Variants in PTPRN2 observed in about 807,000 individuals in gnomAD.
PTPRN2 encodes receptor-type tyrosine-protein phosphatase N2.
A neutral mutation model predicts 118.8 loss-of-function variants in PTPRN2; 74 were observed. The observed-to-expected ratio is 0.62, with a 90% CI of 0.52 to 0.76. The LOEUF (loss-of-function observed/expected upper bound fraction) is 0.76, where lower values mean the gene tolerates loss of function less well. PTPRN2 is among the 30% of genes least tolerant of loss of function. The probability of loss-of-function intolerance (pLI) is 0.00; values close to 1 mark genes in which losing one functional copy is unlikely to be tolerated. For synonymous variants in PTPRN2, 641 were observed against 608.0 expected (o/e 1.05, Z -0.80); for missense variants, 1,481 against 1,394.4 (o/e 1.06, Z -0.99).
At chr7:157,828,018 C>T (rs759637643) in intron 12 of PTPRN2, among the ~76,000 whole-genome samples, 1 of 152,194 alleles carries the variant, frequency 6.6e-6, no homozygotes, top group Non-Finnish European at 1.5e-5. Flanking sequence ...CAGCTCTGGG[C>T]GTCCCCACCG....
intron 17 of PTPRN2, among the ~76,000 whole-genome samples, chr7:157,594,967 C>T (rs1254802209): frequency 2.0e-5 from 3 of 152,162 alleles, no homozygotes; most frequent in South Asian, 4.1e-4. Flanking sequence ...ACTTTATCCT[C>T]GCTGTTTTAT....
intron 11 of PTPRN2, among the ~76,000 whole-genome samples, chr7:158,053,625 A>G (rs900885449): frequency 6.6e-6 from 1 of 152,238 alleles, no homozygotes; most frequent in African/African-American, 2.4e-5. Flanking sequence ...AAGGAGATGT[A>G]TTTAAACATG....
intron 4 of PTPRN2, among the ~76,000 whole-genome samples, chr7:158,197,130 C>T (rs2150722266): frequency 6.6e-6 from 1 of 152,330 alleles, no homozygotes; most frequent in Non-Finnish European, 1.5e-5. Context: ...TGTCTCCAAA[C>T]ACAGCACTGT....
At chr7:157,886,559 G>A (rs1796456000) in intron 12 of PTPRN2, among the ~76,000 whole-genome samples, 1 of 152,256 alleles carries the variant, frequency 6.6e-6, no homozygotes, top group South Asian at 2.1e-4. Flanking sequence ...CCGTGAGCCA[G>A]CGCAACGTGG....
chr7:158,212,815 G>A (rs536284233), intron 3 of PTPRN2, among the ~76,000 whole-genome samples: 1 of 152,200 alleles, frequency 6.6e-6, no homozygotes, highest in East Asian at 1.9e-4. Flanking sequence ...ATGGAATAAG[G>A]GGTATTGTTA....
chr7:158,476,711 C>T (rs906033987), intron 2 of PTPRN2, among the ~76,000 whole-genome samples: 2 of 152,256 alleles, frequency 1.3e-5, no homozygotes, highest in Non-Finnish European at 2.9e-5. Context: ...ACATGTTCCT[C>T]TAAAACGAGG....
At chr7:157,897,493 G>T (rs954420972) in intron 12 of PTPRN2, among the ~76,000 whole-genome samples, 4 of 152,168 alleles carry the variant, frequency 2.6e-5, no homozygotes, top group Non-Finnish European at 5.9e-5. Flanking sequence ...TCATTCATCC[G>T]GCACGAGCCA....
intron 2 of PTPRN2, among the ~76,000 whole-genome samples, chr7:158,441,726 C>T (rs62649337): frequency 0.012 from 329 of 26,630 alleles, no homozygotes; most frequent in African/African-American, 0.031. Flanking sequence ...ATGGTGATAG[C>T]GATGGTGATG....
At chr7:158,221,126 C>T (rs377514198) in intron 3 of PTPRN2, among the ~76,000 whole-genome samples, 1 of 152,084 alleles carries the variant, frequency 6.6e-6, no homozygotes, top group Non-Finnish European at 1.5e-5. Flanking sequence ...AAAGGACTCC[C>T]TATTCAATAA....
chr7:158,386,841 A>G (rs1811423513), intron 2 of PTPRN2, among the ~76,000 whole-genome samples: 1 of 152,116 alleles, frequency 6.6e-6, no homozygotes. Flanking sequence ...GTTTTAGCAA[A>G]TCTGCTACCC....
intron 12 of PTPRN2, among the ~76,000 whole-genome samples, chr7:157,776,403 T>G (rs1803257535): frequency 1.1e-5 from 1 of 95,120 alleles, no homozygotes; most frequent in African/African-American, 4.0e-5. Flanking sequence ...CTCCATCTCC[T>G]CCTCCTCCTC....
intron 14 of PTPRN2, among the ~76,000 whole-genome samples, chr7:157,655,047 G>A (rs1207122434): frequency 2.0e-5 from 3 of 152,238 alleles, no homozygotes; most frequent in South Asian, 4.1e-4. Context: ...TGCCAAAGTC[G>A]ATGACAGGTC....
chr7:157,865,559 G>A (rs1810599742), intron 12 of PTPRN2: 1 of 152,372 alleles, frequency 6.6e-6, no homozygotes. Context: ...TCGGGGGTTG[G>A]GGGAAGGAAG....
At chr7:157,752,279 C>G (rs1373567396) in intron 12 of PTPRN2, among the ~76,000 whole-genome samples, 1 of 152,234 alleles carries the variant, frequency 6.6e-6, no homozygotes, top group Non-Finnish European at 1.5e-5. Context: ...GCTGCCTCAA[C>G]AACATGGTGA....
At chr7:158,201,655 T>C (rs1425978342) in intron 4 of PTPRN2, among the ~76,000 whole-genome samples, 1 of 152,200 alleles carries the variant, frequency 6.6e-6, no homozygotes, top group African/African-American at 2.4e-5. Flanking sequence ...TTCTCTGAAG[T>C]CTGCTAACTG....
At position 158,556,399 on chromosome 7, in the gene PTPRN2, C is replaced by CA. The variant is rs1156481798; in HGVS notation, c.112+31158dup. Among the ~76,000 whole-genome samples, 19 of 152,002 alleles carry CA rather than the reference C, an allele frequency of 1.2e-4. No individual in the cohort carries two copies. The East Asian group carries it at 3.3e-3, about 26-fold the overall frequency. On this transcript the variant is annotated intron_variant, in intron 1 of 22. Coordinates refer to ENST00000389418, the MANE Select transcript of PTPRN2 (RefSeq NM_002847.5). ...TGAAACTACGTCTCTACTAAAAATA[C>CA]AAAAATTAGCCGGGCATGGTGGCGC...
At chr7:158,469,803 T>C (rs1404357368) in intron 2 of PTPRN2, among the ~76,000 whole-genome samples, 2 of 150,830 alleles carry the variant, frequency 1.3e-5, no homozygotes, top group East Asian at 1.9e-4. Context: ...CATAAAAGAA[T>C]TGGGAGCTGG....
At chr7:157,606,266 A>T (rs1349037946) in intron 15 of PTPRN2, among the ~76,000 whole-genome samples, 1 of 152,132 alleles carries the variant, frequency 6.6e-6, no homozygotes, top group Admixed American at 6.5e-5. Flanking sequence ...AGGGGCAAGG[A>T]TCTTCTTCCT....
At chr7:158,414,533 C>T (rs555065658) in intron 2 of PTPRN2, among the ~76,000 whole-genome samples, 66 of 152,356 alleles carry the variant, frequency 4.3e-4, no homozygotes, top group Non-Finnish European at 7.3e-4. Flanking sequence ...TCTCCGGGCT[C>T]AGCTGTAAGT....
Sources: gnomAD v4.1 joint callset for allele counts (sites outside exome capture counted in the v4.1 genomes callset) on GRCh38, gnomAD v4.1.1 for gene constraint, MANE v1.5 for transcripts, NCBI Gene and HGNC (gene_info 2026-07-23, HGNC 2026-07-21) for gene names.